Variants in TRAF3 observed in about 807,000 individuals in gnomAD.
The protein encoded by TRAF3 is TNF receptor associated factor 3, also known as TNF receptor-associated factor 3.
In TRAF3, 13 loss-of-function variants were observed where a neutral mutation model predicts 62.3. That is an observed-to-expected ratio of 0.21 (90% CI 0.14 to 0.33). TRAF3 has a LOEUF of 0.33. Among genes scored for constraint, TRAF3 ranks in the 10% least tolerant of loss-of-function variants. The pLI is 1.00. For missense variants in TRAF3, 440 were observed against 741.8 expected (o/e 0.59, Z 4.73); for synonymous variants, 269 against 283.4 (o/e 0.95, Z 0.51).
chr14:102,878,339 T>C (rs1888835247), intron 6 of TRAF3, among the ~76,000 whole-genome samples: 2 of 142,922 alleles, frequency 1.4e-5, no homozygotes, highest in African/African-American at 5.3e-5. Flanking sequence ...GGTGAGTGTG[T>C]GAATGTGGGT....
chr14:102,884,660 A>T (rs1889259707), intron 6 of TRAF3, among the ~76,000 whole-genome samples: 1 of 151,960 alleles, frequency 6.6e-6, no homozygotes, highest in South Asian at 2.1e-4. Flanking sequence ...AAATACAAAA[A>T]ATTAGCTGGG....
chr14:102,842,657 A>T (rs1886447877), intron 2 of TRAF3, among the ~76,000 whole-genome samples: 1 of 152,204 alleles, frequency 6.6e-6, no homozygotes, highest in African/African-American at 2.4e-5. Context: ...ATATAAAGAA[A>T]TCCAAGGTAC....
intron 7 of TRAF3, among the ~76,000 whole-genome samples, chr14:102,886,946 C>T (rs1458509964): frequency 6.6e-6 from 1 of 152,214 alleles, no homozygotes; most frequent in Non-Finnish European, 1.5e-5. Context: ...AGAGACACTT[C>T]AGAACCATTT....
rs1890547977 is a variant in TRAF3, at chr14:102,905,578, CA to C, written c.1502del (p.Gln501ArgfsTer28). On this transcript the variant is annotated frameshift_variant, in exon 12 of 12. Coordinates refer to ENST00000392745, the MANE Select transcript of TRAF3 (RefSeq NM_145725.3). LOFTEE classifies it high-confidence loss of function. The stretch of plus-strand genomic sequence containing the variant: ...GAAAGTGACACTCATGCTGATGGAT[CA>C]GGGGTCCTCTCGACGTCATTTGGGA... ...KQKVTLMLMDQGSSRRHLGDA... is the reference protein window; with the variant it reads ...KQKVTLMLMDXGSSRRHLGDA... The C allele has an allele frequency of 6.2e-7, 1 of 1,614,068 alleles. No homozygotes were observed. Among genetic ancestry groups the C allele is most frequent in the African/African-American group, 1.3e-5 (1 of 74,920 alleles).
At position 102,903,585 on chromosome 14, in the gene TRAF3, A is replaced by G; in HGVS notation, c.1135+156A>G. The G allele has an allele frequency of 9.1e-7, 1 of 1,095,150 alleles. No homozygotes were observed. The highest frequency in any genetic ancestry group is 1.3e-6 in the Non-Finnish European group (1 of 743,690). The allele number at this position is 1,095,150 out of a possible 1,614,324, so 67.8% of individuals were successfully genotyped here. ...CACGCAGAGGTGTGATGACTTTCCT[A>G]CTGAAAGTCCCCCAGCAAAGACAAA... On this transcript the variant is annotated intron_variant, in intron 11 of 11. Transcript: ENST00000392745. This position sits in a 1 kb window ranked among gnomAD's most constrained non-coding sequence, Gnocchi z 6.4.
intron 1 of TRAF3, among the ~76,000 whole-genome samples, chr14:102,789,726 A>T (rs938113409): frequency 1.3e-5 from 2 of 151,856 alleles, no homozygotes; most frequent in East Asian, 3.9e-4. Flanking sequence ...AAGATATTGA[A>T]TGTCTTTTCA....
At chr14:102,801,226 G>A (rs534536504) in intron 1 of TRAF3, among the ~76,000 whole-genome samples, 2 of 152,174 alleles carry the variant, frequency 1.3e-5, no homozygotes, top group South Asian at 2.1e-4. Context: ...CTCCCACCTC[G>A]GCCTCCCAAA....
At chr14:102,846,813 G>A (rs975856619) in intron 2 of TRAF3, among the ~76,000 whole-genome samples, 13 of 151,996 alleles carry the variant, frequency 8.6e-5, no homozygotes, top group African/African-American at 2.4e-4. Context: ...AAGATGCTGC[G>A]TCAACAAATC....
chr14:102,844,776 C>T (rs1595355909), intron 2 of TRAF3, among the ~76,000 whole-genome samples: 1 of 152,078 alleles, frequency 6.6e-6, no homozygotes, highest in Non-Finnish European at 1.5e-5. Flanking sequence ...TGTGGTGGCT[C>T]ATGCCTGTAA....
intron 2 of TRAF3, among the ~76,000 whole-genome samples, 174 bp downstream of exon 2, chr14:102,830,646 A>G (rs1166653643): frequency 1.3e-5 from 2 of 152,184 alleles, no homozygotes; most frequent in African/African-American, 4.8e-5. Context: ...GGAGTCACCC[A>G]TAGGAGGGGC....
intron 2 of TRAF3, among the ~76,000 whole-genome samples, chr14:102,835,447 CAT>C (rs1350234828): frequency 4.6e-5 from 7 of 152,288 alleles, no homozygotes; most frequent in Admixed American, 1.3e-4. Flanking sequence ...GATATGTACA[CAT>C]GTGTGTTCAC....
intron 1 of TRAF3, among the ~76,000 whole-genome samples, chr14:102,804,327 T>C (rs1295207858): frequency 1.3e-5 from 2 of 152,190 alleles, no homozygotes; most frequent in Non-Finnish European, 2.9e-5. Context: ...ATGACTGACC[T>C]TGGCTAGGAA....
chr14:102,833,617 T>C (rs964468666), intron 2 of TRAF3, among the ~76,000 whole-genome samples: 24 of 152,258 alleles, frequency 1.6e-4, no homozygotes, highest in African/African-American at 5.3e-4. Context: ...GCTTTTGATA[T>C]TTTAATTTAT....
intron 1 of TRAF3, among the ~76,000 whole-genome samples, chr14:102,825,193 C>T (rs1900227107): frequency 6.6e-6 from 1 of 152,228 alleles, no homozygotes; most frequent in Non-Finnish European, 1.5e-5. Context: ...AAGCGTCAGG[C>T]CGCTCAGAGC....
At chr14:102,783,152 G>A (rs576770085) in intron 1 of TRAF3, among the ~76,000 whole-genome samples, 59 of 152,308 alleles carry the variant, frequency 3.9e-4, no homozygotes, top group Middle Eastern at 6.8e-3. Flanking sequence ...AAGCCGGGGA[G>A]ACAGGAGGGA....
At chr14:102,844,917 A>G (rs1886603319) in intron 2 of TRAF3, among the ~76,000 whole-genome samples, 2 of 150,816 alleles carry the variant, frequency 1.3e-5, no homozygotes, top group Non-Finnish European at 3.0e-5. Context: ...GTTTTTTTTG[A>G]GACGGAGTCT....
At chr14:102,845,435 T>G (rs566435340) in intron 2 of TRAF3, among the ~76,000 whole-genome samples, 169 of 151,872 alleles carry the variant, frequency 1.1e-3, no homozygotes, top group African/African-American at 3.8e-3. Flanking sequence ...ACTCCTGACC[T>G]CAGGTGATCT....
At chr14:102,777,958 G>T (rs1897095589) in intron 1 of TRAF3, among the ~76,000 whole-genome samples, 1 of 150,284 alleles carries the variant, frequency 6.7e-6, no homozygotes, top group Non-Finnish European at 1.5e-5. Context: ...CGGGGCGCCC[G>T]CACCTTTTCA....
At chr14:102,817,686 A>G (rs1042725215) in intron 1 of TRAF3, among the ~76,000 whole-genome samples, 1 of 152,204 alleles carries the variant, frequency 6.6e-6, no homozygotes, top group South Asian at 2.1e-4. Context: ...TAAAGTTTGC[A>G]TGAATTTCGA....
Sources: allele counts gnomAD v4.1 joint callset (sites outside exome capture counted in the v4.1 genomes callset), GRCh38; gene constraint gnomAD v4.1.1; non-coding constraint Gnocchi (gnomAD v3.1); transcripts MANE v1.5; gene names NCBI Gene and HGNC (gene_info 2026-07-23, HGNC 2026-07-21).